KDM3A: variants seen among roughly 807,000 people sequenced by gnomAD.
KDM3A encodes the protein lysine demethylase 3A.
In KDM3A, 60 loss-of-function variants were observed where a neutral mutation model predicts 158.0. The observed-to-expected ratio is 0.38, with a 90% CI of 0.31 to 0.47. The LOEUF is 0.47. Ranked by LOEUF, KDM3A falls within the 20% of genes least tolerant of loss-of-function variation. The pLI is 0.99. For missense variants in KDM3A, 1,319 were observed against 1,574.3 expected, an observed-to-expected ratio of 0.84 and a Z score of 2.74; for synonymous variants, 608 against 549.3, an observed-to-expected ratio of 1.11 and a Z score of -1.49.
intron 2 of KDM3A, among the ~76,000 whole-genome samples, chr2:86,447,882 CTG>C (rs1273641222): frequency 6.6e-6 from 1 of 152,126 alleles, no homozygotes; most frequent in Non-Finnish European, 1.5e-5. Flanking sequence ...AATAAGAAAA[CTG>C]TCTACCTAAA....
chr2:86,443,031 A>G (rs1426074351), intron 2 of KDM3A: 2 of 152,178 alleles, frequency 1.3e-5, no homozygotes, highest in East Asian at 3.9e-4. Flanking sequence ...GCTCCCTAAT[A>G]GAAGTATTGA....
chr2:86,457,470 G>T (rs1380842948), intron 8 of KDM3A, among the ~76,000 whole-genome samples: 1 of 152,118 alleles, frequency 6.6e-6, no homozygotes, highest in Non-Finnish European at 1.5e-5. Context: ...TTATATTGCT[G>T]TCTGCTCTTC....
intron 9 of KDM3A, among the ~76,000 whole-genome samples, chr2:86,466,081 G>T (rs1471937128): frequency 2.0e-5 from 3 of 152,070 alleles, no homozygotes; most frequent in Non-Finnish European, 4.4e-5. Flanking sequence ...GAAAGCTAAG[G>T]TTCATTGTGC....
Position 86,491,245 on chromosome 2 carries a change from G to C in KDM3A, c.3855G>C (p.Gln1285His). The change falls in exon 25 of 26, where the codon CAG becomes CAC. Residue 1285 changes from glutamine (Q) to histidine (H), a missense_variant. Coordinates refer to ENST00000312912, the MANE Select transcript of KDM3A (RefSeq NM_018433.6). ...CTCAGGAATTCCGATATCTGTCACA[G>C]ACTCATACCAATCACGAAGATAAAT... ...WLTQEFRYLSQTHTNHEDKLQ... is the reference protein window; with the variant it reads ...WLTQEFRYLSHTHTNHEDKLQ... 6.2e-7 allele frequency: 1 copy of C among 1,613,882 alleles called. No individual in the cohort carries two copies. Among genetic ancestry groups the C allele is most frequent in the Non-Finnish European group, 8.5e-7 (1 of 1,179,834 alleles).
rs1334888109 is a variant in KDM3A, at chr2:86,480,369, G to A, written c.2512+7G>A. On this transcript the variant is annotated splice_region_variant and intron_variant, in intron 16 of 25. Transcript: ENST00000312912. Reference sequence around the variant, plus strand: ...GTCAACAAGGAAAACAAGGGTGAGTGTTTCCTGCTTTTGTGTTTGTTCTTG... The same window carrying A: ...GTCAACAAGGAAAACAAGGGTGAGTATTTCCTGCTTTTGTGTTTGTTCTTG... 4.4e-6 allele frequency: 7 copies of A among 1,606,366 alleles called. No homozygotes were observed. Among genetic ancestry groups the A allele is most frequent in the Non-Finnish European group, 6.0e-6 (7 of 1,174,106 alleles).
intron 8 of KDM3A, 150 bp from the exon 9 acceptor site, chr2:86,463,903 T>G: frequency 2.0e-6 from 1 of 501,060 alleles, no homozygotes; most frequent in Non-Finnish European, 3.4e-6. Context: ...ATTGTATAGT[T>G]TATCACTTGT....
rs535818568 is a variant in KDM3A, at chr2:86,474,871, C to T, written c.1820C>T (p.Thr607Ile). 3 of 1,613,926 alleles carry T rather than the reference C, an allele frequency of 1.9e-6. No homozygotes were observed. Among genetic ancestry groups the T allele is most frequent in the South Asian group, 2.2e-5 (2 of 91,070 alleles). ...GCAATTGGCTTGTGGTTACCTTTAA[C>T]CAAAAACGTTGTGGGGATTGATTTG... is the stretch of plus-strand genomic sequence containing the variant. ...NEAIGLWLPL[T>I]KNVVGIDLDT... Residue 607 changes from threonine (T) to isoleucine (I), a missense_variant, in exon 12 of 26, where the codon ACC becomes ATC. By Grantham distance (89) the Thr-to-Ile change is moderately conservative. Coordinates refer to ENST00000312912, the MANE Select transcript of KDM3A (RefSeq NM_018433.6).
chr2:86,444,107 A>AT (rs1437684135), intron 2 of KDM3A, among the ~76,000 whole-genome samples: 4 of 152,152 alleles, frequency 2.6e-5, no homozygotes, highest in African/African-American at 9.7e-5. Flanking sequence ...ACATGTATAT[A>AT]TTTTTTAAAT....
Position 86,489,607 on chromosome 2 carries a change from G to GGC in KDM3A, c.3522_3523dup (p.His1175ArgfsTer12). On this transcript the variant is annotated frameshift_variant, in exon 23 of 26. Transcript: ENST00000312912. LOFTEE classifies it high-confidence loss of function. ...GGAAAAGAGAAGCCAGGAGCACTGT[G>GGC]GCACATATATGCTGCAAAGGACACG... The GGC allele has an allele frequency of 6.2e-7, 1 of 1,613,990 alleles. No homozygotes were observed. The highest frequency in any genetic ancestry group is 8.5e-7 in the Non-Finnish European group (1 of 1,179,946).
Position 86,484,038 on chromosome 2 carries a change from C to T in KDM3A, c.2974C>T (p.Pro992Ser), listed in dbSNP as rs1227379657. The T allele has an allele frequency of 6.2e-7, 1 of 1,613,986 alleles. No homozygotes were observed. The highest frequency in any genetic ancestry group is 1.3e-5 in the African/African-American group (1 of 75,016). The change falls in exon 19 of 26, where the codon CCT becomes TCT. Residue 992 changes from proline to serine, a missense_variant. Physicochemically the swap from Pro to Ser is moderately conservative, Grantham distance 74. This residue lies in a region of KDM3A where 368 missense variants were observed against 415.8 expected (regional missense o/e 0.89). Transcript: ENST00000312912. ...TAAATTGAACTCTGAACTTTGGAAA[C>T]CTGAATCCTTCAGGAAAGAGTTTGG... ...HHKLNSELWK[P>S]ESFRKEFGEQ...
At position 86,485,638 on chromosome 2, in the gene KDM3A, TC is replaced by T. The variant is rs1674142553; in HGVS notation, c.3183-89del. The stretch of plus-strand genomic sequence containing the variant: ...TCTGCATGATCACAGATGGATTTGT[TC>T]CTTTTGGTGTAGAAGGAACAAAACA... On this transcript the variant is annotated intron_variant, in intron 20 of 25. Coordinates refer to ENST00000312912, the MANE Select transcript of KDM3A (RefSeq NM_018433.6). The T allele has an allele frequency of 7.5e-6, 11 of 1,471,514 alleles. No homozygotes were observed. In the East Asian group the frequency reaches 1.2e-4, roughly 15 times the overall value. 91.2% of individuals were successfully genotyped at this position (1,471,514 alleles called of 1,614,324 possible).
At chr2:86,447,382 T>G (rs920900527) in intron 2 of KDM3A, among the ~76,000 whole-genome samples, 5 of 151,824 alleles carry the variant, frequency 3.3e-5, no homozygotes, top group African/African-American at 9.7e-5. Flanking sequence ...CTTTAGATAG[T>G]GATCTGGTAA....
At chr2:86,475,034 A>T (rs1032737542) in intron 12 of KDM3A, 44 bp downstream of exon 12, 5 of 1,511,764 alleles carry the variant, frequency 3.3e-6, no homozygotes, top group Admixed American at 1.8e-5. Context: ...GCCCAATTTG[A>T]TTTTTGTTCC....
intron 2 of KDM3A, among the ~76,000 whole-genome samples, chr2:86,445,871 G>T (rs1404512231): frequency 6.6e-6 from 1 of 152,212 alleles, no homozygotes; most frequent in Non-Finnish European, 1.5e-5. Flanking sequence ...TAATTTCTTT[G>T]TGGAGTAGTG....
Position 86,449,797 on chromosome 2 carries a change from G to C in KDM3A, c.187-10G>C. On this transcript the variant is annotated splice_polypyrimidine_tract_variant and intron_variant, in intron 2 of 25. Coordinates refer to ENST00000312912, the MANE Select transcript of KDM3A (RefSeq NM_018433.6). Reference sequence around the variant, plus strand: ...TCTGCTTCCCCCACCCCCCAATTTTGTCTGTCTAGGTGTGTGTGGAATTTG... The same window carrying C: ...TCTGCTTCCCCCACCCCCCAATTTTCTCTGTCTAGGTGTGTGTGGAATTTG... 1.3e-6 allele frequency: 2 copies of C among 1,568,274 alleles called. No individual in the cohort carries two copies. Among genetic ancestry groups the C allele is most frequent in the South Asian group, 1.2e-5 (1 of 83,706 alleles).
chr2:86,487,441 A>G (rs1411082489), intron 21 of KDM3A: 1 of 152,252 alleles, frequency 6.6e-6, no homozygotes, highest in Non-Finnish European at 1.5e-5. Flanking sequence ...GAGTAAGTGC[A>G]AAGGCTCTTT....
intron 9 of KDM3A, among the ~76,000 whole-genome samples, chr2:86,465,390 T>C (rs1368798987): frequency 6.6e-6 from 1 of 152,162 alleles, no homozygotes; most frequent in Non-Finnish European, 1.5e-5. Flanking sequence ...TTGTTAGTTT[T>C]TTTTTAGTTT....
intron 25 of KDM3A, chr2:86,491,535 G>C (rs1308100571): frequency 2.1e-6 from 1 of 467,020 alleles, no homozygotes; most frequent in African/African-American, 1.9e-5. Context: ...TACTGAAAAT[G>C]AATAGATGTG....
At chr2:86,484,837 G>T in intron 19 of KDM3A, 105 bp from the exon 20 acceptor site, 1 of 618,266 alleles carries the variant, frequency 1.6e-6, no homozygotes, top group Non-Finnish European at 2.8e-6. Flanking sequence ...ATTTTGCAGA[G>T]ACATATTTTA....
Sources: allele counts gnomAD v4.1 joint callset (sites outside exome capture counted in the v4.1 genomes callset), GRCh38; gene constraint gnomAD v4.1.1; regional missense constraint gnomAD v4.1.1; transcripts MANE v1.5; gene names NCBI Gene and HGNC (gene_info 2026-07-23, HGNC 2026-07-21).